POMT2: variants seen among roughly 807,000 people sequenced by gnomAD.
The protein encoded by POMT2 is protein O-mannosyltransferase 2, also known as protein O-mannosyl-transferase 2.
In POMT2, 75 loss-of-function variants were observed where a neutral mutation model predicts 100.0. The ratio of observed to expected loss-of-function variants is 0.75; its 90% confidence interval spans 0.62 to 0.91. The LOEUF is 0.91. POMT2 is among the 40% of genes least tolerant of loss of function. The probability of loss-of-function intolerance (pLI) is 0.00; values close to 1 mark genes in which losing one functional copy is unlikely to be tolerated. For synonymous variants in POMT2, 378 were observed against 374.1 expected (o/e 1.01, Z -0.12); for missense variants, 940 against 955.1 (o/e 0.98, Z 0.21).
intron 13 of POMT2, 125 bp downstream of exon 13, chr14:77,285,356 A>T (rs941450021): frequency 1.5e-6 from 2 of 1,304,886 alleles, no homozygotes; most frequent in Admixed American, 2.0e-5. Context: ...CTCTCCCTCC[A>T]TCTGCCACTA....
chr14:77,288,401 T>G (rs901994877), intron 11 of POMT2, among the ~76,000 whole-genome samples: 5 of 152,196 alleles, frequency 3.3e-5, no homozygotes, highest in African/African-American at 1.2e-4. Flanking sequence ...CTGGGTGTGA[T>G]GGCTCATGCC....
chr14:77,291,277 T>TAACA (rs760704600), intron 10 of POMT2, 37 bp downstream of exon 10: 1 of 1,593,264 alleles, frequency 6.3e-7, no homozygotes, highest in Non-Finnish European at 8.6e-7. Context: ...TCAGAGGGAG[T>TAACA]AACAGCACAA....
chr14:77,288,784 TG>T lies in POMT2; in HGVS notation c.1230del (p.Asp410GlufsTer5). ...TACTCTTTGTGTTCTAGTCGAATAA[TG>T]TCTCCATGTCTTACAAACTCCACTG... ...SFPVEFVRHG[D>X]IIRLEHKETS... On this transcript the variant is annotated frameshift_variant, in exon 11 of 21. Transcript: ENST00000261534. LOFTEE classifies it high-confidence loss of function. 1 of 1,613,974 alleles carries T rather than the reference TG, an allele frequency of 6.2e-7. No homozygotes were observed. The highest frequency in any genetic ancestry group is 8.5e-7 in the Non-Finnish European group (1 of 1,179,932).
Position 77,275,032 on chromosome 14 carries a change from C to T in POMT2, c.*2344G>A, listed in dbSNP as rs906296685. On this transcript the variant is annotated 3_prime_UTR_variant, in exon 21 of 21. Coordinates refer to ENST00000261534, the MANE Select transcript of POMT2 (RefSeq NM_013382.7). ...TTTTTTTTTTTAAACCAAATAGGCT[C>T]AAGAAGCTGGCTGGAGGTTGAATTG... The T allele has an allele frequency of 4.6e-5, 7 of 152,064 alleles. No homozygotes were observed. Among genetic ancestry groups the T allele is most frequent in the African/African-American group, 1.7e-4 (7 of 41,392 alleles). The allele number at this position is 152,064 out of a possible 1,614,324, so 9.4% of individuals were successfully genotyped here. A position where few individuals can be genotyped will look rare whatever the true frequency, so the allele number is the denominator to read the frequency against.
intron 14 of POMT2, chr14:77,284,156 C>A (rs1890332838): frequency 2.2e-6 from 1 of 444,748 alleles, no homozygotes; most frequent in African/African-American, 2.0e-5. Flanking sequence ...GGTACTGGCT[C>A]AAATGCTGCT....
intron 15 of POMT2, among the ~76,000 whole-genome samples, chr14:77,280,918 C>T (rs1166428847): frequency 6.6e-6 from 1 of 151,980 alleles, no homozygotes; most frequent in Non-Finnish European, 1.5e-5. Context: ...ATGGTAAAAC[C>T]CCGTCTTTAC....
intron 15 of POMT2, among the ~76,000 whole-genome samples, chr14:77,281,740 C>G (rs567102683): frequency 2.0e-5 from 3 of 152,320 alleles, no homozygotes; most frequent in African/African-American, 7.2e-5. Context: ...GAGTGTTTAG[C>G]ATTCCTGGCC....
At chr14:77,301,304 A>C in intron 5 of POMT2, 55 bp from the exon 6 acceptor site, 1 of 1,603,918 alleles carries the variant, frequency 6.2e-7, no homozygotes, top group Non-Finnish European at 8.5e-7. Flanking sequence ...AGCCAAACGC[A>C]AGCGCAGCAG....
chr14:77,291,353 T>TG lies in POMT2; in HGVS notation c.1143dup (p.Asn382GlnfsTer10). Reference sequence around the variant, plus strand: ...TGTTTCTTGATAATCCACAGGTTGTTGTAGTCCTTGTGCAAATAGGTGGTG... The same window carrying TG: ...TGTTTCTTGATAATCCACAGGTTGTTGGTAGTCCTTGTGCAAATAGGTGGTG... On this transcript the variant is annotated frameshift_variant, in exon 10 of 21. Coordinates refer to ENST00000261534, the MANE Select transcript of POMT2 (RefSeq NM_013382.7). LOFTEE classifies it high-confidence loss of function. The TG allele has an allele frequency of 7.0e-7, 1 of 1,423,742 alleles. No individual in the cohort carries two copies. The highest frequency in any genetic ancestry group is 1.1e-5 in the South Asian group (1 of 88,214). The allele number at this position is 1,423,742 out of a possible 1,614,324, so 88.2% of individuals were successfully genotyped here.
chr14:77,308,628 T>A (rs1891322631), intron 2 of POMT2: 2 of 344,776 alleles, frequency 5.8e-6, no homozygotes, highest in Non-Finnish European at 1.1e-5. Flanking sequence ...TGTGCTGGGA[T>A]TACAGGCGTG....
intron 1 of POMT2, among the ~76,000 whole-genome samples, chr14:77,314,399 A>C (rs988288031): frequency 6.6e-6 from 1 of 152,218 alleles, no homozygotes; most frequent in Non-Finnish European, 1.5e-5. Context: ...TGAGAAATAA[A>C]GTCCTCTGTC....
chr14:77,295,688 C>T (rs947733853), intron 9 of POMT2, among the ~76,000 whole-genome samples: 31 of 150,900 alleles, frequency 2.1e-4, no homozygotes, highest in African/African-American at 7.6e-4. Context: ...TGAACTTGTC[C>T]AAAGTGACAC....
intron 5 of POMT2, among the ~76,000 whole-genome samples, 185 bp from the exon 6 acceptor site, chr14:77,301,434 G>A (rs575300117): frequency 6.6e-6 from 1 of 152,336 alleles, no homozygotes; most frequent in African/African-American, 2.4e-5. Flanking sequence ...CCCTGGAACG[G>A]CAGGAAAAGC....
In POMT2 at chr14:77,280,089, T is replaced by A. The variant is rs747493997; in HGVS notation, c.1726-9A>T. The A allele has an allele frequency of 3.8e-5, 61 of 1,613,560 alleles. No homozygotes were observed. The highest frequency in any genetic ancestry group is 4.9e-5 in the Non-Finnish European group (58 of 1,180,000). On this transcript the variant is annotated splice_polypyrimidine_tract_variant and intron_variant, in intron 16 of 20. Transcript: ENST00000261534. ...CCTGAGAAGCGTAGGCCCTGTGGAA[T>A]AGAGACCACCCTGCTGACCCAGGCC...
chr14:77,280,079 C>A lies in POMT2; in HGVS notation c.1727G>T (p.Gly576Val). The change falls in exon 17 of 21, where the codon GGC (glycine) becomes GTC (valine). Residue 576 changes from glycine (G) to valine (V), a missense_variant and splice_region_variant. Coordinates refer to ENST00000261534, the MANE Select transcript of POMT2 (RefSeq NM_013382.7). ...KPWHWPINYQ[G>V]LRFSGVNDTD... is the part of the protein sequence containing the mutation. ...GTCATTGACCCCTGAGAAGCGTAGG[C>A]CCTGTGGAATAGAGACCACCCTGCT... 6.2e-7 allele frequency: 1 copy of A among 1,613,834 alleles called. No individual in the cohort carries two copies. The highest frequency in any genetic ancestry group is 8.5e-7 in the Non-Finnish European group (1 of 1,180,014).
Position 77,278,486 on chromosome 14 carries a change from C to T in POMT2, c.2055G>A (p.Leu685=), listed in dbSNP as rs1247412791. 6.0e-6 allele frequency: 9 copies of T among 1,492,370 alleles called. No individual in the cohort carries two copies. In the East Asian group the frequency reaches 2.2e-4, roughly 37 times the overall value. 92.4% of individuals were successfully genotyped at this position (1,492,370 alleles called of 1,614,324 possible). A position where few individuals can be genotyped will look rare whatever the true frequency, so the allele number is the denominator to read the frequency against. The change falls in exon 20 of 21, where the codon CTG becomes CTA. Residue 685 remains leucine, a synonymous_variant. Transcript: ENST00000261534. ...AGGCCAAGCCCCAGGCACAGAGCCG[C>T]AGGAGGGTGTCCCACAGAATGCCTA... ...MLTGILWDTL[L]RLCAWGLASW...
At chr14:77,305,216 T>G (rs1348404790) in intron 3 of POMT2, among the ~76,000 whole-genome samples, 1 of 152,218 alleles carries the variant, frequency 6.6e-6, no homozygotes, top group Non-Finnish European at 1.5e-5. Flanking sequence ...TGAAGGTATT[T>G]CAGAGAATTT....
chr14:77,294,014 A>G (rs887214538), intron 9 of POMT2, among the ~76,000 whole-genome samples: 2 of 152,224 alleles, frequency 1.3e-5, no homozygotes, highest in Non-Finnish European at 2.9e-5. Flanking sequence ...CCAAAAATGC[A>G]TAATGCATGG....
intron 3 of POMT2, among the ~76,000 whole-genome samples, chr14:77,305,578 T>C (rs1891195332): frequency 6.6e-6 from 1 of 152,210 alleles, no homozygotes; most frequent in African/African-American, 2.4e-5. Flanking sequence ...ATGCAAATCA[T>C]CTAACGATGA....
Sources: allele counts gnomAD v4.1 joint callset (sites outside exome capture counted in the v4.1 genomes callset), GRCh38; gene constraint gnomAD v4.1.1; transcripts MANE v1.5; gene names NCBI Gene and HGNC (gene_info 2026-07-23, HGNC 2026-07-21).